Variants in LOXHD1 observed in about 807,000 individuals in gnomAD.
LOXHD1 encodes the protein lipoxygenase homology PLAT domains 1.
Under a neutral mutation model 248.2 loss-of-function variants are expected in LOXHD1, and 205 were observed. The ratio of observed to expected loss-of-function variants is 0.83; its 90% CI spans 0.74 to 0.93. The LOEUF (loss-of-function observed/expected upper bound fraction) is 0.93. Ranked by LOEUF, LOXHD1 falls within the 40% of genes least tolerant of loss-of-function variation. LOXHD1 has a pLI of 0.00. For missense variants in LOXHD1, 2,930 were observed against 2,971.6 expected (o/e 0.99, Z 0.33); for synonymous variants, 1,113 against 1,162.8 (o/e 0.96, Z 0.87).
At chr18:46,479,779 A>C (rs930834358) in intron 40 of LOXHD1, among the ~76,000 whole-genome samples, 1 of 147,452 alleles carries the variant, frequency 6.8e-6, no homozygotes. Context: ...AAAAAAAACA[A>C]AAAAAAAAAC....
intron 1 of LOXHD1, among the ~76,000 whole-genome samples, chr18:46,653,329 A>C (rs574212396): frequency 6.6e-6 from 1 of 152,364 alleles, no homozygotes; most frequent in South Asian, 2.1e-4. Context: ...AGGGGTGTGA[A>C]GGAGCATTCT....
At chr18:46,586,239 A>G (rs2038057535) in intron 12 of LOXHD1, among the ~76,000 whole-genome samples, 1 of 152,204 alleles carries the variant, frequency 6.6e-6, no homozygotes, top group African/African-American at 2.4e-5. Context: ...TGTCAGAGGC[A>G]GAGGGGTAAA....
chr18:46,621,145 C>T (rs944830694), intron 4 of LOXHD1, among the ~76,000 whole-genome samples: 1 of 152,154 alleles, frequency 6.6e-6, no homozygotes, highest in African/African-American at 2.4e-5. Context: ...CTCTGCAGAA[C>T]TTTCTATGGC....
chr18:46,525,373 G>C (rs1383998768), intron 29 of LOXHD1, among the ~76,000 whole-genome samples: 1 of 152,156 alleles, frequency 6.6e-6, no homozygotes, highest in African/African-American at 2.4e-5. Context: ...TAACGGGAGG[G>C]GGTTTGAAAT....
At chr18:46,488,477 T>TGA (rs2033225261) in intron 38 of LOXHD1, among the ~76,000 whole-genome samples, 1 of 152,214 alleles carries the variant, frequency 6.6e-6, no homozygotes, top group Non-Finnish European at 1.5e-5. Context: ...CTGGCATCTG[T>TGA]GAGAGGCACA....
intron 40 of LOXHD1, 80 bp from the exon 41 acceptor site, chr18:46,478,032 G>C: frequency 6.8e-7 from 1 of 1,474,010 alleles, no homozygotes; most frequent in Non-Finnish European, 9.0e-7. Context: ...AGATCCCCTT[G>C]CTCATCTATA....
intron 21 of LOXHD1, among the ~76,000 whole-genome samples, chr18:46,549,669 T>C (rs2037001756): frequency 6.6e-6 from 1 of 152,224 alleles, no homozygotes; most frequent in African/African-American, 2.4e-5. Flanking sequence ...AGGACAACTC[T>C]TTATTAGATA....
rs1313539325 is a variant in LOXHD1 at position 46,588,331 on chromosome 18, A to G, written c.1654+3602T>C. ...GACATCAAACTGCCTTATAGCCACAACAGACAGCCCTTCAATCCATACTAT... is the reference window on the plus strand; with the variant it reads ...GACATCAAACTGCCTTATAGCCACAGCAGACAGCCCTTCAATCCATACTAT... On this transcript the variant is annotated intron_variant, in intron 12 of 40. Transcript: ENST00000642948. Among the ~76,000 whole-genome samples, 5 of 152,286 alleles carry G rather than the reference A, an allele frequency of 3.3e-5. No individual in the cohort carries two copies. In the East Asian group the frequency reaches 9.7e-4, roughly 29 times the overall value.
At chr18:46,600,699 T>G (rs560939499) in intron 8 of LOXHD1, among the ~76,000 whole-genome samples, 1 of 152,234 alleles carries the variant, frequency 6.6e-6, no homozygotes, top group Admixed American at 6.5e-5. Context: ...TTCATAATAG[T>G]ATGTGCCCTT....
intron 8 of LOXHD1, among the ~76,000 whole-genome samples, chr18:46,600,317 G>A (rs1021645348): frequency 5.6e-4 from 86 of 152,316 alleles, no homozygotes; most frequent in African/African-American, 2.0e-3. Flanking sequence ...TGACAGTTAT[G>A]GCCAGGAGCG....
At chr18:46,637,130 G>A (rs1946859529) in intron 4 of LOXHD1, among the ~76,000 whole-genome samples, 1 of 151,486 alleles carries the variant, frequency 6.6e-6, no homozygotes. Context: ...TGGGCAACAA[G>A]AGGGAAACTC....
intron 4 of LOXHD1, among the ~76,000 whole-genome samples, chr18:46,626,866 C>T (rs2038749372): frequency 6.6e-6 from 1 of 152,154 alleles, no homozygotes; most frequent in African/African-American, 2.4e-5. Context: ...ACCTCCCTTG[C>T]AGCGTTGTGA....
At chr18:46,493,287 C>T (rs1277704985) in intron 37 of LOXHD1, among the ~76,000 whole-genome samples, 1 of 152,218 alleles carries the variant, frequency 6.6e-6, no homozygotes, top group Non-Finnish European at 1.5e-5. Flanking sequence ...TTGAGAAAGA[C>T]TTTGTTAACA....
Position 46,572,136 on chromosome 18 carries a change from C to T in LOXHD1, c.1997G>A (p.Gly666Glu), listed in dbSNP as rs758612664. Residue 666 changes from glycine (G) to glutamate (E), a missense_variant, in exon 15 of 41, where the codon GGG (glycine) becomes GAG (glutamate). By Grantham distance (98) the Gly-to-Glu change is moderately conservative (BLOSUM62 -2). Transcript: ENST00000642948. ...LRWLDKDKDD[G>E]QLVRELLPSD... ...GGGTAGCAACTCTCGGACCAGCTGC[C>T]CATCATCCTTATCCTTGTCCAACCA... 3.8e-5 allele frequency: 59 copies of T among 1,551,698 alleles called. No individual in the cohort carries two copies. In the South Asian group the frequency reaches 6.7e-4, roughly 18 times the overall value.
chr18:46,483,264 G>A (rs2032735691), intron 40 of LOXHD1, among the ~76,000 whole-genome samples: 2 of 152,114 alleles, frequency 1.3e-5, no homozygotes, highest in South Asian at 2.1e-4. Flanking sequence ...TGAGGGAAGG[G>A]GAAGGCAAGG....
At chr18:46,604,329 A>C in intron 6 of LOXHD1, 100 bp from the exon 7 acceptor site, 1 of 1,446,486 alleles carries the variant, frequency 6.9e-7, no homozygotes, top group Non-Finnish European at 9.4e-7. Flanking sequence ...TACTTTAAGA[A>C]TGTACTGATA....
intron 8 of LOXHD1, among the ~76,000 whole-genome samples, chr18:46,598,822 A>C (rs1008235923): frequency 1.3e-5 from 2 of 152,184 alleles, no homozygotes; most frequent in Non-Finnish European, 2.9e-5. Flanking sequence ...TAAGAAGTAT[A>C]CCATATCCAT....
chr18:46,528,377 G>A (rs763294904), intron 29 of LOXHD1, among the ~76,000 whole-genome samples: 9 of 152,092 alleles, frequency 5.9e-5, no homozygotes, highest in African/African-American at 1.7e-4. Context: ...GAGTAGAGGC[G>A]GGGAGAGGGG....
intron 26 of LOXHD1, among the ~76,000 whole-genome samples, chr18:46,534,820 CT>C (rs2036236878): frequency 6.6e-6 from 1 of 152,324 alleles, no homozygotes; most frequent in African/African-American, 2.4e-5. Context: ...TGCCATGCTC[CT>C]GTCTTGCCAA....
Sources: gnomAD v4.1 joint callset for allele counts (sites outside exome capture counted in the v4.1 genomes callset) on GRCh38, gnomAD v4.1.1 for gene constraint, MANE v1.5 for transcripts, NCBI Gene and HGNC (gene_info 2026-07-23, HGNC 2026-07-21) for gene names.